LRCH1: variants seen among roughly 807,000 people sequenced by gnomAD.
LRCH1 encodes leucine-rich repeat and calponin homology domain-containing protein 1.
In LRCH1, 23 loss-of-function variants were observed where a neutral mutation model predicts 94.9. The ratio of observed to expected loss-of-function variants is 0.24; its 90% CI spans 0.17 to 0.34. The LOEUF is 0.34. LRCH1 is among the 10% of genes least tolerant of loss of function. The probability of loss-of-function intolerance (pLI) is 1.00; values close to 1 mark genes in which losing one functional copy is unlikely to be tolerated. For synonymous variants in LRCH1, 364 were observed against 354.9 expected (o/e 1.03, Z -0.29); for missense variants, 790 against 945.9 (o/e 0.84, Z 2.16).
At chr13:46,727,244 C>A (rs778336697) in intron 17 of LRCH1, among the ~76,000 whole-genome samples, 5 of 152,070 alleles carry the variant, frequency 3.3e-5, no homozygotes, top group African/African-American at 7.2e-5. Context: ...AACAAAAAGC[C>A]CAGTGGATGG....
intron 1 of LRCH1, among the ~76,000 whole-genome samples, chr13:46,617,297 GC>G (rs547114096): frequency 9.1e-4 from 138 of 152,310 alleles, no homozygotes; most frequent in African/African-American, 3.1e-3. Flanking sequence ...TGGATCAGGG[GC>G]CAGGAAAACT....
At chr13:46,691,390 T>C (rs895440290) in intron 7 of LRCH1, among the ~76,000 whole-genome samples, 1 of 152,256 alleles carries the variant, frequency 6.6e-6, no homozygotes, top group Non-Finnish European at 1.5e-5. Flanking sequence ...CTACTACAGT[T>C]GTTTAGCATT....
At chr13:46,630,318 G>A (rs188371807) in intron 1 of LRCH1, among the ~76,000 whole-genome samples, 1 of 152,216 alleles carries the variant, frequency 6.6e-6, no homozygotes, top group East Asian at 1.9e-4. Context: ...TTATAAAAAT[G>A]GGCATTCTCT....
chr13:46,623,456 T>A (rs909377121), intron 1 of LRCH1, among the ~76,000 whole-genome samples: 2 of 152,114 alleles, frequency 1.3e-5, no homozygotes, highest in Non-Finnish European at 2.9e-5. Context: ...AATGTTAGAT[T>A]TTTAGTACCA....
intron 1 of LRCH1, among the ~76,000 whole-genome samples, chr13:46,624,273 A>C (rs1173757166): frequency 6.6e-5 from 10 of 152,190 alleles, no homozygotes; most frequent in African/African-American, 2.4e-4. Context: ...TCCATTATAA[A>C]AGCCTCCTTC....
intron 1 of LRCH1, among the ~76,000 whole-genome samples, chr13:46,630,660 T>G (rs1004115661): frequency 3.3e-5 from 5 of 152,206 alleles, no homozygotes; most frequent in African/African-American, 1.2e-4. Context: ...AAGACTGCAG[T>G]GTTTGTTAAA....
intron 9 of LRCH1, among the ~76,000 whole-genome samples, chr13:46,696,450 G>T (rs1593359016): frequency 6.6e-6 from 1 of 152,298 alleles, no homozygotes; most frequent in East Asian, 1.9e-4. Context: ...GTGTTAAGAA[G>T]ATATCAATAT....
chr13:46,705,405 T>C (rs773096492), intron 13 of LRCH1, 101 bp downstream of exon 13: 1 of 1,013,994 alleles, frequency 9.9e-7, no homozygotes, highest in South Asian at 1.3e-5. Context: ...GAAACATCTT[T>C]ATTAATGAGG....
At position 46,669,082 on chromosome 13, in the gene LRCH1, G is replaced by A; in HGVS notation, c.505G>A (p.Val169Ile). ...PACLCGLPLK[V>I]LIASNNKLGS... ...CTGCCTGTGTGGTCTGCCTCTCAAA[G>A]TCTTAATCGCAAGTAACAACAAACT... The change falls in exon 3 of 20, where the codon GTC becomes ATC. Residue 169 changes from valine (V) to isoleucine (I), a missense_variant. Coordinates refer to ENST00000389797, the MANE Select transcript of LRCH1 (RefSeq NM_001164211.2). 1 of 1,614,180 alleles carries A rather than the reference G, an allele frequency of 6.2e-7. No homozygotes were observed. The highest frequency in any genetic ancestry group is 8.5e-7 in the Non-Finnish European group (1 of 1,180,018).
intron 7 of LRCH1, among the ~76,000 whole-genome samples, 190 bp from the exon 8 acceptor site, chr13:46,692,346 A>G (rs1366133847): frequency 6.6e-6 from 1 of 151,782 alleles, no homozygotes; most frequent in Admixed American, 6.6e-5. Flanking sequence ...ACCTCTTCCT[A>G]ATTTTAAATA....
intron 1 of LRCH1, among the ~76,000 whole-genome samples, chr13:46,569,166 G>GGCATTTAACAAGTGGC (rs200357497): frequency 6.6e-6 from 1 of 152,156 alleles, no homozygotes; most frequent in African/African-American, 2.4e-5. Flanking sequence ...TTATTTTAGT[G>GGCATTTAACAAGTGGC]ATAGAAAAAA....
rs1158960392 is a variant in LRCH1, at chr13:46,743,466, C to T, written c.*1618C>T. 2.0e-6 allele frequency: 2 copies of T among 985,596 alleles called. No individual in the cohort carries two copies. The highest frequency in any genetic ancestry group is 6.2e-5 in the Admixed American group (1 of 16,254). The allele number at this position is 985,596 out of a possible 1,614,324, so 61.1% of individuals were successfully genotyped here. A position where few individuals can be genotyped will look rare whatever the true frequency, so the allele number is the denominator to read the frequency against. On this transcript the variant is annotated 3_prime_UTR_variant, in exon 20 of 20. Transcript: ENST00000389797. Reference sequence around the variant, plus strand: ...TAACCTCAGTTGTATATGAATAACCCACAGATGTACTGAATTACTTTTGGT... The same window carrying T: ...TAACCTCAGTTGTATATGAATAACCTACAGATGTACTGAATTACTTTTGGT...
chr13:46,620,783 A>G (rs1256536607), intron 1 of LRCH1, among the ~76,000 whole-genome samples: 1 of 152,244 alleles, frequency 6.6e-6, no homozygotes, highest in Non-Finnish European at 1.5e-5. Flanking sequence ...GTACTAAGTT[A>G]ACATAGCTTT....
At chr13:46,659,052 G>C (rs2051411899) in intron 2 of LRCH1, among the ~76,000 whole-genome samples, 1 of 152,140 alleles carries the variant, frequency 6.6e-6, no homozygotes, top group African/African-American at 2.4e-5. Flanking sequence ...TGCATCTGCA[G>C]GTCTGCAGGC....
chr13:46,660,307 C>T (rs1428599075), intron 2 of LRCH1, among the ~76,000 whole-genome samples: 1 of 152,042 alleles, frequency 6.6e-6, no homozygotes, highest in Non-Finnish European at 1.5e-5. Flanking sequence ...AGCCACCGCA[C>T]CTGGCCTAGG....
At chr13:46,632,851 A>G (rs1333540865) in intron 1 of LRCH1, among the ~76,000 whole-genome samples, 1 of 152,236 alleles carries the variant, frequency 6.6e-6, no homozygotes, top group African/African-American at 2.4e-5. Flanking sequence ...AAAATAATAT[A>G]CCCGTTAAAT....
intron 5 of LRCH1, among the ~76,000 whole-genome samples, chr13:46,686,260 T>G (rs1423509665): frequency 6.6e-6 from 1 of 152,226 alleles, no homozygotes; most frequent in Non-Finnish European, 1.5e-5. Flanking sequence ...ATTTTTATGC[T>G]TACAAAGTAT....
At chr13:46,621,348 A>T (rs914337598) in intron 1 of LRCH1, among the ~76,000 whole-genome samples, 1 of 152,174 alleles carries the variant, frequency 6.6e-6, no homozygotes, top group Non-Finnish European at 1.5e-5. Context: ...AATGCCATGC[A>T]CATTTGTCAA....
intron 1 of LRCH1, among the ~76,000 whole-genome samples, chr13:46,596,285 A>G (rs2050562350): frequency 6.6e-6 from 1 of 152,232 alleles, no homozygotes; most frequent in Non-Finnish European, 1.5e-5. Flanking sequence ...CACCGAGGAA[A>G]GCTTGTATTG....
Sources: gnomAD v4.1 joint callset for allele counts (sites outside exome capture counted in the v4.1 genomes callset) on GRCh38, gnomAD v4.1.1 for gene constraint, MANE v1.5 for transcripts, NCBI Gene and HGNC (gene_info 2026-07-23, HGNC 2026-07-21) for gene names.